The following TMEM63C variants were observed in gnomAD, a reference collection of about 807,000 sequenced individuals.
TMEM63C encodes the protein osmosensitive cation channel TMEM63C.
A neutral mutation model predicts 99.2 loss-of-function variants in TMEM63C; 32 were observed. The observed-to-expected ratio is 0.32, with a 90% CI of 0.24 to 0.43. TMEM63C has a LOEUF of 0.43. TMEM63C is among the 20% of genes least tolerant of loss of function. The pLI, the probability that TMEM63C is intolerant of heterozygous loss-of-function variation, is 1.00. For synonymous variants in TMEM63C, 376 were observed against 397.9 expected, an observed-to-expected ratio of 0.94 and a Z score of 0.66; for missense variants, 826 against 1,053.0, an observed-to-expected ratio of 0.78 and a Z score of 2.98.
At chr14:77,226,760 A>T (rs1594860667) in intron 6 of TMEM63C, among the ~76,000 whole-genome samples, 1 of 121,338 alleles carries the variant, frequency 8.2e-6, no homozygotes, top group East Asian at 2.5e-4. Context: ...TGGAAGGATC[A>T]GTTGGGATTT....
At chr14:77,225,022 A>G (rs951906012) in intron 5 of TMEM63C, among the ~76,000 whole-genome samples, 2 of 152,112 alleles carry the variant, frequency 1.3e-5, no homozygotes, top group Non-Finnish European at 2.9e-5. Flanking sequence ...TTGGCCAGTC[A>G]ATCACTGGAG....
chr14:77,187,787 C>T (rs923067834), intron 1 of TMEM63C, among the ~76,000 whole-genome samples: 4 of 152,178 alleles, frequency 2.6e-5, no homozygotes, highest in Admixed American at 6.5e-5. Flanking sequence ...CTGGTGTCCC[C>T]GTGACTCTGC....
chr14:77,205,091 G>T (rs1888371986), intron 1 of TMEM63C, among the ~76,000 whole-genome samples: 1 of 152,230 alleles, frequency 6.6e-6, no homozygotes, highest in Non-Finnish European at 1.5e-5. Context: ...CCTTCCAGGT[G>T]GTGGGACTGG....
At chr14:77,211,391 G>C (rs1427047573) in intron 1 of TMEM63C, among the ~76,000 whole-genome samples, 1 of 152,152 alleles carries the variant, frequency 6.6e-6, no homozygotes, top group Non-Finnish European at 1.5e-5. Flanking sequence ...TCATACCCTA[G>C]GGTACTTATG....
At chr14:77,239,972 G>C (rs751870874) in intron 12 of TMEM63C, among the ~76,000 whole-genome samples, 2 of 152,198 alleles carry the variant, frequency 1.3e-5, no homozygotes, top group Non-Finnish European at 2.9e-5. Context: ...TCTTGGATGG[G>C]AGAATGAGAG....
chr14:77,205,804 G>C (rs1411761385), intron 1 of TMEM63C, among the ~76,000 whole-genome samples: 3 of 152,204 alleles, frequency 2.0e-5, no homozygotes, highest in Non-Finnish European at 2.9e-5. Flanking sequence ...CAGGAGCAGA[G>C]AGCTCAGATG....
chr14:77,215,614 A>AAAAAAAAAAAAGAAAAG (rs772701077), intron 2 of TMEM63C, among the ~76,000 whole-genome samples: 38 of 76,518 alleles, frequency 5.0e-4, no homozygotes, highest in African/African-American at 1.6e-3. Flanking sequence ...AAAAAAAAAA[A>AAAAAAAAAAAAGAAAAG]AAAAGAAAAG....
rs1234271384 is a variant in TMEM63C, at chr14:77,246,628, T to G, written c.1555T>G (p.Trp519Gly). 6.2e-7 allele frequency: 1 copy of G among 1,613,314 alleles called. No individual in the cohort carries two copies. The highest frequency in any genetic ancestry group is 8.5e-7 in the Non-Finnish European group (1 of 1,179,692). ...GLTSLDVFLR[W>G]LFDIYYLEQA... Reference sequence around the variant, plus strand: ...TTCTAGTTTGGATGTCTTTCTCCGCTGGCTCTTTGACATCTACTATCTAGA... The same window carrying G: ...TTCTAGTTTGGATGTCTTTCTCCGCGGGCTCTTTGACATCTACTATCTAGA... Residue 519 changes from tryptophan (W) to glycine (G), a missense_variant, in exon 18 of 24, where the codon TGG becomes GGG. Transcript: ENST00000298351.
intron 8 of TMEM63C, among the ~76,000 whole-genome samples, chr14:77,234,419 C>T (rs1889000074): frequency 6.6e-6 from 1 of 152,216 alleles, no homozygotes; most frequent in South Asian, 2.1e-4. Flanking sequence ...GGCTCCTTCC[C>T]GAGGCCCATT....
chr14:77,183,325 C>T (rs976025687), intron 1 of TMEM63C, among the ~76,000 whole-genome samples: 3 of 152,224 alleles, frequency 2.0e-5, no homozygotes, highest in African/African-American at 7.2e-5. Flanking sequence ...CTGCAAGGGC[C>T]TCCTGATGGG....
At chr14:77,253,652 G>A (rs1262421532) in intron 23 of TMEM63C, among the ~76,000 whole-genome samples, 3 of 152,250 alleles carry the variant, frequency 2.0e-5, no homozygotes, top group Admixed American at 1.3e-4. Flanking sequence ...CAGGGAGGCC[G>A]AGACCACAGC....
chr14:77,252,214 G>A (rs1426849904), intron 22 of TMEM63C, among the ~76,000 whole-genome samples: 2 of 152,214 alleles, frequency 1.3e-5, no homozygotes, highest in Non-Finnish European at 2.9e-5. Context: ...CCACTGAACT[G>A]TGAGCCTCCA....
At chr14:77,208,580 C>A (rs920376468) in intron 1 of TMEM63C, among the ~76,000 whole-genome samples, 1 of 152,228 alleles carries the variant, frequency 6.6e-6, no homozygotes, top group African/African-American at 2.4e-5. Flanking sequence ...TCCAGAACCC[C>A]AGCTGCAAGG....
intron 20 of TMEM63C, 77 bp from the exon 21 acceptor site, chr14:77,249,214 G>T: frequency 6.7e-7 from 1 of 1,483,532 alleles, no homozygotes; most frequent in Non-Finnish European, 9.3e-7. Flanking sequence ...TGGCTTCTCA[G>T]GCCTGTGGAG....
chr14:77,233,335 G>A (rs1888978161), intron 7 of TMEM63C, 117 bp from the exon 8 acceptor site: 2 of 1,018,614 alleles, frequency 2.0e-6, no homozygotes, highest in East Asian at 2.6e-5. Context: ...CCAGAAGGAA[G>A]AGGAGGTCAA....
At chr14:77,243,829 C>T (rs1889222785) in intron 15 of TMEM63C, among the ~76,000 whole-genome samples, 3 of 151,998 alleles carry the variant, frequency 2.0e-5, no homozygotes. Context: ...CATGCACAGT[C>T]AACAGACGTG....
intron 5 of TMEM63C, among the ~76,000 whole-genome samples, chr14:77,223,442 G>T (rs1339705131): frequency 6.6e-6 from 1 of 152,154 alleles, no homozygotes; most frequent in African/African-American, 2.4e-5. Context: ...AGCAAGTTGG[G>T]TCAGGTACTG....
intron 1 of TMEM63C, among the ~76,000 whole-genome samples, chr14:77,197,451 A>G (rs1459291196): frequency 6.6e-6 from 1 of 152,228 alleles, no homozygotes; most frequent in Non-Finnish European, 1.5e-5. Flanking sequence ...TGGGTTCACA[A>G]CCCAGCTCAA....
intron 1 of TMEM63C, among the ~76,000 whole-genome samples, chr14:77,200,117 C>T (rs186345659): frequency 2.2e-4 from 33 of 152,346 alleles, no homozygotes; most frequent in African/African-American, 7.7e-4. Flanking sequence ...TTCACTTTCT[C>T]TTTTTCCATC....
Sources: allele counts gnomAD v4.1 joint callset (sites outside exome capture counted in the v4.1 genomes callset), GRCh38; gene constraint gnomAD v4.1.1; transcripts MANE v1.5; gene names NCBI Gene and HGNC (gene_info 2026-07-23, HGNC 2026-07-21).